Variants in AKAP19 observed in about 807,000 individuals in gnomAD.
The protein encoded by AKAP19 is small A-kinase anchoring protein.
the AKAP19 span, among the ~76,000 whole-genome samples, chr2:189,971,928 A>T: frequency 1.3e-5 from 2 of 151,108 alleles, no homozygotes; most frequent in African/African-American, 4.9e-5. Flanking sequence ...CCCATTCTGT[A>T]GGTTGCCTGT....
the AKAP19 span, chr2:190,060,029 G>T: frequency 6.3e-7 from 1 of 1,596,000 alleles, no homozygotes; most frequent in Non-Finnish European, 8.6e-7. Flanking sequence ...AAAACATAAG[G>T]TTATTATAAT....
At chr2:190,192,678 C>T in the AKAP19 span, among the ~76,000 whole-genome samples, 10 of 152,134 alleles carry the variant, frequency 6.6e-5, no homozygotes, top group African/African-American at 2.4e-4. Context: ...AGGTTCTTTA[C>T]TTTTTCTCAG....
At chr2:190,162,108 C>G in the AKAP19 span, among the ~76,000 whole-genome samples, 2 of 152,000 alleles carry the variant, frequency 1.3e-5, no homozygotes, top group African/African-American at 4.8e-5. Flanking sequence ...TGTGAGCAAA[C>G]GTGTTTTCTT....
the AKAP19 span, among the ~76,000 whole-genome samples, chr2:190,188,111 G>A: frequency 6.6e-6 from 1 of 152,160 alleles, no homozygotes; most frequent in Admixed American, 6.5e-5. Flanking sequence ...GTGGTGGGTG[G>A]AAGGGCACTG....
the AKAP19 span, among the ~76,000 whole-genome samples, chr2:189,953,208 G>T: frequency 6.6e-6 from 1 of 152,120 alleles, no homozygotes; most frequent in East Asian, 1.9e-4. Context: ...TGTCCGTCGA[G>T]TTCACTAATA....
the AKAP19 span, among the ~76,000 whole-genome samples, chr2:190,168,762 C>T: frequency 6.6e-6 from 1 of 152,186 alleles, no homozygotes; most frequent in African/African-American, 2.4e-5. Flanking sequence ...ACTTTTGCTC[C>T]AGTTCCCAAC....
chr2:189,969,088 G>A, the AKAP19 span, among the ~76,000 whole-genome samples: 187 of 152,214 alleles, frequency 1.2e-3, 1 homozygote, highest in Middle Eastern at 0.01. Flanking sequence ...CATAAAAGCA[G>A]TACCAATTTG....
the AKAP19 span, among the ~76,000 whole-genome samples, chr2:189,943,064 G>T: frequency 6.6e-6 from 1 of 152,224 alleles, no homozygotes; most frequent in Non-Finnish European, 1.5e-5. Flanking sequence ...GCAACCACTT[G>T]CCAGTTATTC....
chr2:190,201,467 G>C, the AKAP19 span: 2 of 166,922 alleles, frequency 1.2e-5, no homozygotes, highest in Non-Finnish European at 2.9e-5. Flanking sequence ...GTGTATGTTA[G>C]ATCCACAATA....
the AKAP19 span, chr2:190,079,323 AAG>A: frequency 9.8e-5 from 15 of 152,346 alleles, no homozygotes; most frequent in Non-Finnish European, 2.2e-4. Flanking sequence ...ATTTAGTGGA[AAG>A]AGAGGAATCA....
At chr2:190,195,945 T>C in the AKAP19 span, among the ~76,000 whole-genome samples, 164 of 101,014 alleles carry the variant, frequency 1.6e-3, 1 homozygote, top group Admixed American at 6.4e-3. Context: ...GTCCAGCTTT[T>C]TTTTTTTTTT....
the AKAP19 span, among the ~76,000 whole-genome samples, chr2:189,976,086 G>C: frequency 6.4e-4 from 98 of 152,274 alleles, 2 homozygotes; most frequent in Admixed American, 5.4e-3. Context: ...TTCCTGCTCT[G>C]TTTTTTCCCC....
chr2:190,131,416 A>C, the AKAP19 span, among the ~76,000 whole-genome samples: 1 of 152,246 alleles, frequency 6.6e-6, no homozygotes. Flanking sequence ...TCTGGACAGC[A>C]GAATGGATAG....
chr2:190,200,332 TTC>T, the AKAP19 span: 1 of 591,308 alleles, frequency 1.7e-6, no homozygotes, highest in South Asian at 2.1e-5. Context: ...TAACAGCAAT[TTC>T]TGTTTAGTCT....
the AKAP19 span, among the ~76,000 whole-genome samples, chr2:190,099,315 GTAGGGT>G: frequency 6.6e-6 from 1 of 152,274 alleles, no homozygotes; most frequent in African/African-American, 2.4e-5. Context: ...AAAGACCATC[GTAGGGT>G]TATTAACTGG....
chr2:190,170,093 G>C, the AKAP19 span, among the ~76,000 whole-genome samples: 1 of 152,330 alleles, frequency 6.6e-6, no homozygotes, highest in East Asian at 1.9e-4. Context: ...ATGGGAAGTC[G>C]AGATCATGGG....
chr2:190,135,612 T>C, the AKAP19 span, among the ~76,000 whole-genome samples: 1 of 152,188 alleles, frequency 6.6e-6, no homozygotes, highest in Admixed American at 6.5e-5. Flanking sequence ...TGTCTTGAGT[T>C]TGAGTCCCAG....
the AKAP19 span, among the ~76,000 whole-genome samples, chr2:189,926,593 T>A: frequency 6.9e-6 from 1 of 145,592 alleles, no homozygotes; most frequent in African/African-American, 2.6e-5. Context: ...GCCTTTTTTT[T>A]TTTTTTTTTT....
chr2:189,955,376 A>G, the AKAP19 span, among the ~76,000 whole-genome samples: 2 of 152,146 alleles, frequency 1.3e-5, no homozygotes, highest in Non-Finnish European at 2.9e-5. Flanking sequence ...ATTGATGGAC[A>G]CTTAACTTGA....
Sources: allele counts gnomAD v4.1 joint callset (sites outside exome capture counted in the v4.1 genomes callset), GRCh38; gene constraint gnomAD v4.1.1; transcripts MANE v1.5; gene names NCBI Gene and HGNC (gene_info 2026-07-23, HGNC 2026-07-21).